The following PCSK1 variants were observed in gnomAD, a reference collection of about 807,000 sequenced individuals.
PCSK1 encodes proprotein convertase subtilisin/kexin type 1.
In PCSK1, 56 loss-of-function variants were observed where a neutral mutation model predicts 90.6. The observed-to-expected ratio is 0.62, with a 90% CI of 0.50 to 0.77. The LOEUF is 0.77. PCSK1 is among the 30% of genes least tolerant of loss of function. PCSK1 has a pLI of 0.00. For synonymous variants in PCSK1, 348 were observed against 342.4 expected, an observed-to-expected ratio of 1.02 and a Z score of -0.18; for missense variants, 801 against 932.6, an observed-to-expected ratio of 0.86 and a Z score of 1.84.
At chr5:96,400,638 T>C (rs1211489754) in intron 9 of PCSK1, among the ~76,000 whole-genome samples, 1 of 152,224 alleles carries the variant, frequency 6.6e-6, no homozygotes, top group Non-Finnish European at 1.5e-5. Context: ...AGTGAGATGT[T>C]AAAGACACAG....
intron 1 of PCSK1, among the ~76,000 whole-genome samples, chr5:96,432,529 T>G (rs1761539343): frequency 6.6e-6 from 1 of 152,214 alleles, no homozygotes; most frequent in Non-Finnish European, 1.5e-5. Context: ...GGTAAGAGCT[T>G]GAGTGTATCT....
rs565544007 is a variant in PCSK1, at chr5:96,396,188, G to GA, written c.1722+1147dup. Among the ~76,000 whole-genome samples the GA allele has an allele frequency of 1.5e-3, 221 of 151,420 alleles. 1 individual carries two copies. The highest frequency in any genetic ancestry group is 4.7e-3 in the African/African-American group (193 of 41,384). On this transcript the variant is annotated intron_variant, in intron 12 of 13. Coordinates refer to ENST00000311106, the MANE Select transcript of PCSK1 (RefSeq NM_000439.5). ...TCTTTAGGAGAAAGCTATCCTCAGA[G>GA]AAAAAAATGTAACAAACGACTATAG...
intron 9 of PCSK1, among the ~76,000 whole-genome samples, chr5:96,406,172 C>T (rs1403813711): frequency 6.6e-6 from 1 of 152,078 alleles, no homozygotes; most frequent in South Asian, 2.1e-4. Flanking sequence ...TCTCGTTTGA[C>T]CCCTTCATTT....
At chr5:96,429,437 AAATT>A in intron 1 of PCSK1, 120 bp from the exon 2 acceptor site, 1 of 644,272 alleles carries the variant, frequency 1.6e-6, no homozygotes, top group Non-Finnish European at 2.8e-6. Flanking sequence ...CTGGTATCTG[AAATT>A]AATATTTTTT....
rs967858672 is a variant in PCSK1 at position 96,393,596 on chromosome 5, T to A, written c.1885-218A>T. On this transcript the variant is annotated intron_variant, in intron 13 of 13. Transcript: ENST00000311106. ...ACAACCTTTTTAATCTCCCTCAACTTCACCTGTCAGGTGGAATAAGAGTAC... is the reference window on the plus strand; with the variant it reads ...ACAACCTTTTTAATCTCCCTCAACTACACCTGTCAGGTGGAATAAGAGTAC... Among the ~76,000 whole-genome samples, 3 of 152,118 alleles carry A rather than the reference T, an allele frequency of 2.0e-5. No individual in the cohort carries two copies. In the South Asian group the frequency reaches 6.2e-4, roughly 32 times the overall value.
intron 5 of PCSK1, among the ~76,000 whole-genome samples, chr5:96,417,848 G>A (rs1022183721): frequency 3.3e-5 from 5 of 152,184 alleles, no homozygotes; most frequent in South Asian, 4.1e-4. Context: ...ATGGATGAAC[G>A]CTCTTTGCCT....
intron 9 of PCSK1, among the ~76,000 whole-genome samples, chr5:96,406,166 G>A (rs776705903): frequency 7.2e-5 from 11 of 152,196 alleles, no homozygotes; most frequent in East Asian, 1.9e-4. Context: ...AAAAGGTCTC[G>A]TTTGACCCCT....
chr5:96,393,057 G>T lies in PCSK1; in HGVS notation c.2206C>A (p.His736Asn). ...GCTTGAAGCAGCCGGTCGTCTCTGT[G>T]CTTGTAAGGTTTAGTGTTATAAAAA... ...DVFYNTKPYK[H>N]RDDRLLQALV... is the part of the protein sequence containing the mutation. The change falls in exon 14 of 14, where the codon CAC becomes AAC. Residue 736 changes from histidine (H) to asparagine (N), a missense_variant. Transcript: ENST00000311106. The T allele has an allele frequency of 6.2e-7, 1 of 1,614,060 alleles. No homozygotes were observed. The highest frequency in any genetic ancestry group is 8.5e-7 in the Non-Finnish European group (1 of 1,179,922).
intron 9 of PCSK1, among the ~76,000 whole-genome samples, chr5:96,402,499 C>T (rs1203610937): frequency 6.6e-6 from 1 of 152,118 alleles, no homozygotes; most frequent in Non-Finnish European, 1.5e-5. Flanking sequence ...GTGCCTGGTG[C>T]TTCTCCACTC....
intron 11 of PCSK1, among the ~76,000 whole-genome samples, chr5:96,398,091 G>T (rs1241190071): frequency 6.6e-6 from 1 of 152,068 alleles, no homozygotes; most frequent in Non-Finnish European, 1.5e-5. Context: ...TTAAATAACT[G>T]CAGGTCTATC....
Position 96,397,485 on chromosome 5 carries a change from A to T in PCSK1, c.1589-16T>A. On this transcript the variant is annotated splice_polypyrimidine_tract_variant and intron_variant, in intron 11 of 13. Transcript: ENST00000311106. ...GTGCTAGTTCCTATGAAACAAATAC[A>T]AGTTAATGAATGTCCTAATAGCTCT... is the stretch of plus-strand genomic sequence containing the variant. The T allele has an allele frequency of 1.2e-6, 2 of 1,608,200 alleles. No homozygotes were observed. Among genetic ancestry groups the T allele is most frequent in the Non-Finnish European group, 1.7e-6 (2 of 1,174,644 alleles).
At chr5:96,395,720 C>T (rs1327928229) in intron 12 of PCSK1, among the ~76,000 whole-genome samples, 4 of 152,024 alleles carry the variant, frequency 2.6e-5, no homozygotes, top group Non-Finnish European at 4.4e-5. Flanking sequence ...CAGCAAACCA[C>T]CATGGCATGT....
At chr5:96,420,513 G>T (rs541209763) in intron 5 of PCSK1, among the ~76,000 whole-genome samples, 1 of 152,206 alleles carries the variant, frequency 6.6e-6, no homozygotes, top group South Asian at 2.1e-4. Context: ...CACCCTCAAA[G>T]AAATAAATGG....
chr5:96,413,793 T>A (rs1376933679), intron 6 of PCSK1, among the ~76,000 whole-genome samples: 2 of 70,544 alleles, frequency 2.8e-5, no homozygotes, highest in East Asian at 7.2e-4. Flanking sequence ...AGAGCAAGAC[T>A]CTGTCTCAAA....
chr5:96,412,750 A>ATGTTTTTTTTTTTTTGTTTTTT (rs1760801007), intron 6 of PCSK1, among the ~76,000 whole-genome samples: 1 of 63,388 alleles, frequency 1.6e-5, no homozygotes, highest in African/African-American at 7.9e-5. Flanking sequence ...GGCAGCTGTG[A>ATGTTTTTTTTTTTTTGTTTTTT]TGTTTTTTTT....
chr5:96,396,204 A>T (rs1045788659), intron 12 of PCSK1, among the ~76,000 whole-genome samples: 3 of 152,188 alleles, frequency 2.0e-5, no homozygotes, highest in Non-Finnish European at 4.4e-5. Context: ...AATGTAACAA[A>T]CGACTATAGA....
chr5:96,426,826 T>G (rs1761323555), intron 2 of PCSK1, among the ~76,000 whole-genome samples: 1 of 152,046 alleles, frequency 6.6e-6, no homozygotes, highest in Admixed American at 6.6e-5. Flanking sequence ...AACCGAAAAA[T>G]AATTTGCAAC....
intron 12 of PCSK1, 147 bp from the exon 13 acceptor site, chr5:96,395,172 T>C: frequency 1.4e-6 from 1 of 708,762 alleles, no homozygotes; most frequent in Non-Finnish European, 2.4e-6. Context: ...GATCCACTCT[T>C]GCTATAAAAA....
chr5:96,411,020 A>G, intron 7 of PCSK1, 34 bp from the exon 8 acceptor site: 1 of 1,449,250 alleles, frequency 6.9e-7, no homozygotes, highest in Non-Finnish European at 9.7e-7. Flanking sequence ...ATTATCTGTT[A>G]TCATCTATTG....
Sources: allele counts gnomAD v4.1 joint callset (sites outside exome capture counted in the v4.1 genomes callset), GRCh38; gene constraint gnomAD v4.1.1; transcripts MANE v1.5; gene names NCBI Gene and HGNC (gene_info 2026-07-23, HGNC 2026-07-21).